GSAP: variants seen among roughly 807,000 people sequenced by gnomAD.
GSAP encodes gamma-secretase activating protein.
A neutral mutation model predicts 131.7 loss-of-function variants in GSAP; 118 were observed. The ratio of observed to expected loss-of-function variants is 0.90; its 90% CI spans 0.77 to 1.04. The LOEUF (loss-of-function observed/expected upper bound fraction) is 1.04. Ranked by LOEUF, GSAP falls within the 50% of genes least tolerant of loss-of-function variation. GSAP has a pLI of 0.00. For missense variants in GSAP, 1,019 were observed against 1,013.2 expected (o/e 1.01, Z -0.08); for synonymous variants, 381 against 363.4 (o/e 1.05, Z -0.55).
intron 28 of GSAP, among the ~76,000 whole-genome samples, chr7:77,312,866 A>G (rs1794556796): frequency 6.6e-6 from 1 of 152,240 alleles, no homozygotes; most frequent in South Asian, 2.1e-4. Flanking sequence ...GGAAGTTTGC[A>G]GAGTTAGAGG....
chr7:77,341,644 C>CT (rs1460719357), intron 19 of GSAP, among the ~76,000 whole-genome samples: 1 of 152,166 alleles, frequency 6.6e-6, no homozygotes, highest in Non-Finnish European at 1.5e-5. Context: ...CCCTTAGATG[C>CT]TTTACCACCC....
chr7:77,415,156 T>C (rs1402086020), intron 1 of GSAP, among the ~76,000 whole-genome samples: 2 of 152,206 alleles, frequency 1.3e-5, no homozygotes, highest in Admixed American at 1.3e-4. Context: ...GAGCTAATAA[T>C]ATTCCAAGCC....
chr7:77,311,151 C>T lies in GSAP; in HGVS notation c.*207G>A. ...TCTTAGGCCATTTATCATTTCTCTA[C>T]ACTTGATTGCTCACTGGCTATTCAA... On this transcript the variant is annotated 3_prime_UTR_variant, in exon 31 of 31. Coordinates refer to ENST00000257626, the MANE Select transcript of GSAP (RefSeq NM_017439.4). 2 of 525,328 alleles carry T rather than the reference C, an allele frequency of 3.8e-6. No homozygotes were observed. The highest frequency in any genetic ancestry group is 5.2e-5 in the South Asian group (2 of 38,206). 32.5% of individuals were successfully genotyped at this position (525,328 alleles called of 1,614,324 possible). A position where few individuals can be genotyped will look rare whatever the true frequency, so the allele number is the denominator to read the frequency against.
At chr7:77,393,257 C>T (rs749121518) in intron 5 of GSAP, among the ~76,000 whole-genome samples, 9 of 152,094 alleles carry the variant, frequency 5.9e-5, no homozygotes, top group Non-Finnish European at 7.4e-5. Flanking sequence ...ACAAAATAAA[C>T]GTTTCCAAAA....
chr7:77,394,851 T>C (rs1210663828), intron 5 of GSAP, among the ~76,000 whole-genome samples: 1 of 152,200 alleles, frequency 6.6e-6, no homozygotes, highest in Non-Finnish European at 1.5e-5. Context: ...CCAAGTGCCC[T>C]TGGCAGAAAG....
chr7:77,311,672 G>A, intron 30 of GSAP, 169 bp downstream of exon 30: 1 of 586,828 alleles, frequency 1.7e-6, no homozygotes, highest in South Asian at 2.2e-5. Flanking sequence ...GTGATTATTT[G>A]GTAATTTACT....
chr7:77,311,944 A>G lies in GSAP; in HGVS notation c.2374-4T>C. ...TGTTAATCATAGAATTCCGAGGCTA[A>G]AAGGGAAACCACTTCTGGTGTAAGC... On this transcript the variant is annotated splice_polypyrimidine_tract_variant and splice_region_variant and intron_variant, in intron 29 of 30. Coordinates refer to ENST00000257626, the MANE Select transcript of GSAP (RefSeq NM_017439.4). The G allele has an allele frequency of 6.5e-7, 1 of 1,543,478 alleles. No homozygotes were observed. Among genetic ancestry groups the G allele is most frequent in the Non-Finnish European group, 9.0e-7 (1 of 1,115,726 alleles).
intron 1 of GSAP, among the ~76,000 whole-genome samples, chr7:77,412,154 G>C (rs1261905240): frequency 6.6e-6 from 1 of 152,154 alleles, no homozygotes; most frequent in Non-Finnish European, 1.5e-5. Flanking sequence ...ACTCCAGCTG[G>C]GTGACAGAGC....
At chr7:77,385,034 C>CTT (rs1228460297) in intron 6 of GSAP, among the ~76,000 whole-genome samples, 9 of 139,750 alleles carry the variant, frequency 6.4e-5, no homozygotes, top group African/African-American at 1.3e-4. Flanking sequence ...GTACTTCTAA[C>CTT]TTTTTTTTTT....
chr7:77,358,586 G>T (rs1049749317), intron 14 of GSAP, among the ~76,000 whole-genome samples: 1 of 152,238 alleles, frequency 6.6e-6, no homozygotes, highest in East Asian at 1.9e-4. Context: ...CATTTAGACT[G>T]AAGTTTTATA....
intron 19 of GSAP, among the ~76,000 whole-genome samples, chr7:77,333,819 G>A (rs1207988964): frequency 6.6e-6 from 1 of 152,182 alleles, no homozygotes; most frequent in East Asian, 1.9e-4. Context: ...CCAGAATGGA[G>A]GGGAGGGGAG....
intron 23 of GSAP, among the ~76,000 whole-genome samples, chr7:77,324,608 A>G (rs1584258002): frequency 6.6e-6 from 1 of 152,284 alleles, no homozygotes; most frequent in East Asian, 1.9e-4. Context: ...AATTCAATTC[A>G]GTCTCATGCA....
chr7:77,416,484 C>A (rs527704126), upstream of GSAP: 5 of 427,860 alleles, frequency 1.2e-5, no homozygotes, highest in Admixed American at 1.8e-4. Context: ...GAAGCTCCGG[C>A]ACCAGCTCCT....
intron 10 of GSAP, among the ~76,000 whole-genome samples, chr7:77,375,411 A>G (rs1796698490): frequency 6.6e-6 from 1 of 152,230 alleles, no homozygotes; most frequent in Non-Finnish European, 1.5e-5. Context: ...GGAAGCAACC[A>G]TCTTTTACAA....
In GSAP at chr7:77,374,011, A is replaced by T; in HGVS notation, c.871+59T>A. On this transcript the variant is annotated intron_variant, in intron 12 of 30. Transcript: ENST00000257626. ...GACTCCATATAGCTAAACAATGAGTAAATTTTGTCTAGAACTCAAATACGG... is the reference window on the plus strand; with the variant it reads ...GACTCCATATAGCTAAACAATGAGTTAATTTTGTCTAGAACTCAAATACGG... The T allele has an allele frequency of 1.3e-5, 12 of 928,570 alleles. No homozygotes were observed. The Admixed American group carries it at 2.1e-4, about 17-fold the overall frequency. 57.5% of individuals were successfully genotyped at this position (928,570 alleles called of 1,614,324 possible). A position where few individuals can be genotyped will look rare whatever the true frequency, so the allele number is the denominator to read the frequency against.
chr7:77,384,000 T>C (rs113637170), intron 6 of GSAP, among the ~76,000 whole-genome samples: 55 of 152,304 alleles, frequency 3.6e-4, no homozygotes, highest in African/African-American at 1.3e-3. Context: ...AAAGTCAAAA[T>C]TATAAAATAG....
At chr7:77,388,787 A>C (rs1157914608) in intron 5 of GSAP, among the ~76,000 whole-genome samples, 1 of 152,250 alleles carries the variant, frequency 6.6e-6, no homozygotes, top group Non-Finnish European at 1.5e-5. Flanking sequence ...AACGTAAAAC[A>C]ATTTCTGAGC....
intron 12 of GSAP, among the ~76,000 whole-genome samples, chr7:77,368,224 GGTTAA>G (rs139037838): frequency 1.2e-3 from 189 of 152,172 alleles, no homozygotes; most frequent in East Asian, 6.8e-3. Context: ...ATTCTCCATG[GGTTAA>G]GTTGTTTCCT....
At chr7:77,391,235 TTTC>T (rs1400606109) in intron 5 of GSAP, among the ~76,000 whole-genome samples, 1 of 151,918 alleles carries the variant, frequency 6.6e-6, no homozygotes, top group Non-Finnish European at 1.5e-5. Flanking sequence ...TCAGCAAGAT[TTTC>T]TTACCTTTAA....
Sources: allele counts gnomAD v4.1 joint callset (sites outside exome capture counted in the v4.1 genomes callset), GRCh38; gene constraint gnomAD v4.1.1; transcripts MANE v1.5; gene names NCBI Gene and HGNC (gene_info 2026-07-23, HGNC 2026-07-21).